U2SURP: variants seen among roughly 807,000 people sequenced by gnomAD.
U2SURP encodes the protein U2 snRNP associated SURP domain containing.
Under a neutral mutation model 144.9 loss-of-function variants are expected in U2SURP, and 9 were observed. The observed-to-expected ratio is 0.06, with a 90% CI of 0.04 to 0.11. The LOEUF is 0.11. Among genes scored for constraint, U2SURP ranks in the 10% least tolerant of loss-of-function variants. The probability of loss-of-function intolerance (pLI) is 1.00; values close to 1 mark genes in which losing one functional copy is unlikely to be tolerated. For missense variants in U2SURP, 724 were observed against 1,226.7 expected (o/e 0.59, Z 6.12); for synonymous variants, 408 against 396.8 (o/e 1.03, Z -0.33).
At chr3:143,051,602 C>CAAAAAAAAAA (rs3041537) in intron 25 of U2SURP, among the ~76,000 whole-genome samples, 2 of 90,628 alleles carry the variant, frequency 2.2e-5, no homozygotes, top group African/African-American at 3.9e-5. Flanking sequence ...ACTGTCGTTG[C>CAAAAAAAAAA]AAAAAAAAAA....
In U2SURP at chr3:143,057,748, A is replaced by G. The variant is rs934771518; in HGVS notation, c.*1298A>G. On this transcript the variant is annotated 3_prime_UTR_variant, in exon 28 of 28. Transcript: ENST00000473835. ...TTTTCCTCCCTAAAAGAGAAAGTAG[A>G]AAACTATTCTAACAATGGATTATTT... 2.1e-4 allele frequency: 32 copies of G among 152,054 alleles called. No homozygotes were observed. The highest frequency in any genetic ancestry group is 7.5e-4 in the African/African-American group (31 of 41,544). The allele number at this position is 152,054 out of a possible 1,614,324, so 9.4% of individuals were successfully genotyped here. A position where few individuals can be genotyped will look rare whatever the true frequency, so the allele number is the denominator to read the frequency against.
intron 4 of U2SURP, among the ~76,000 whole-genome samples, chr3:143,015,339 G>T (rs908037493): frequency 6.6e-6 from 1 of 151,700 alleles, no homozygotes; most frequent in Non-Finnish European, 1.5e-5. Context: ...TCACTTTGTT[G>T]ATTGTCTTTT....
chr3:143,048,448 G>T (rs1934661215), intron 24 of U2SURP, among the ~76,000 whole-genome samples: 1 of 152,280 alleles, frequency 6.6e-6, no homozygotes, highest in African/African-American at 2.4e-5. Context: ...TTCACACAGC[G>T]ATGAACTTAG....
chr3:143,029,563 T>C (rs1192270813), intron 16 of U2SURP, among the ~76,000 whole-genome samples: 2 of 152,182 alleles, frequency 1.3e-5, no homozygotes, highest in African/African-American at 4.8e-5. Flanking sequence ...TGTTTTCCCT[T>C]AGGCCTCCCT....
chr3:143,032,609 C>A (rs1411638753), intron 16 of U2SURP, among the ~76,000 whole-genome samples, 175 bp from the exon 17 acceptor site: 1 of 152,080 alleles, frequency 6.6e-6, no homozygotes, highest in Non-Finnish European at 1.5e-5. Flanking sequence ...TATATAAATT[C>A]TTCAAAAAAT....
chr3:143,048,029 T>C (rs1309792041), intron 24 of U2SURP, among the ~76,000 whole-genome samples: 1 of 152,178 alleles, frequency 6.6e-6, no homozygotes, highest in Non-Finnish European at 1.5e-5. Flanking sequence ...AGTAGAATAG[T>C]GGGTGGGGAA....
At chr3:143,043,051 G>A in intron 23 of U2SURP, 66 bp from the exon 24 acceptor site, 2 of 1,403,196 alleles carry the variant, frequency 1.4e-6, no homozygotes, top group Non-Finnish European at 9.5e-7. Context: ...AATAAAATAG[G>A]TAGACTGTAA....
chr3:143,044,306 T>TTTTTTTTTTTTTTTAA, intron 24 of U2SURP, among the ~76,000 whole-genome samples: 1 of 132,810 alleles, frequency 7.5e-6, no homozygotes. Context: ...TTTTTTTTTT[T>TTTTTTTTTTTTTTTAA]GAGACGGGGT....
chr3:143,058,817 T>C lies in U2SURP; in HGVS notation c.*2367T>C, dbSNP rs1935261626. Reference sequence around the variant, plus strand: ...CAAAATTTCTATAGGTTGACTAGAATGTTCATAAGCATGGTCTTCCAGTTG... The same window carrying C: ...CAAAATTTCTATAGGTTGACTAGAACGTTCATAAGCATGGTCTTCCAGTTG... On this transcript the variant is annotated 3_prime_UTR_variant, in exon 28 of 28. Transcript: ENST00000473835. The C allele has an allele frequency of 6.6e-6, 1 of 151,940 alleles. No homozygotes were observed. Among genetic ancestry groups the C allele is most frequent in the African/African-American group, 2.4e-5 (1 of 41,436 alleles). 9.4% of individuals were successfully genotyped at this position (151,940 alleles called of 1,614,324 possible).
Position 143,012,326 on chromosome 3 carries a change from T to C in U2SURP, c.195T>C (p.Cys65=), listed in dbSNP as rs770023597. ...YRNESARESL[C]DSPHQNLSRP... is the part of the protein sequence containing the mutation. Reference sequence around the variant, plus strand: ...ATGAAAGTGCCCGTGAAAGCCTTTGTGATTCTCCTCATCAGAATCTCTCAA... The same window carrying C: ...ATGAAAGTGCCCGTGAAAGCCTTTGCGATTCTCCTCATCAGAATCTCTCAA... Residue 65 remains cysteine (C), a synonymous_variant, in exon 3 of 28, where the codon TGT becomes TGC. Coordinates refer to ENST00000473835, the MANE Select transcript of U2SURP (RefSeq NM_001080415.2). The C allele has an allele frequency of 2.5e-5, 40 of 1,612,536 alleles. No individual in the cohort carries two copies. The highest frequency in any genetic ancestry group is 3.3e-5 in the Non-Finnish European group (39 of 1,179,148).
chr3:143,004,430 C>T (rs1170573553), intron 1 of U2SURP, among the ~76,000 whole-genome samples: 1 of 128,674 alleles, frequency 7.8e-6, no homozygotes, highest in Non-Finnish European at 1.6e-5. Context: ...GTGGTGCAAT[C>T]TCAGCTCACT....
chr3:143,013,968 T>C (rs912849906), intron 3 of U2SURP, among the ~76,000 whole-genome samples: 6 of 152,082 alleles, frequency 3.9e-5, no homozygotes, highest in Non-Finnish European at 1.5e-5. Context: ...TTTCTGTCAT[T>C]GCAACTTTTC....
chr3:143,033,091 A>G (rs1426963635), intron 17 of U2SURP, 145 bp downstream of exon 17: 5 of 1,010,392 alleles, frequency 4.9e-6, no homozygotes, highest in Admixed American at 5.7e-5. Context: ...TAGGTTCATT[A>G]ACATACAAGT....
At position 143,023,004 on chromosome 3, in the gene U2SURP, G is replaced by T. The variant is rs1334669346; in HGVS notation, c.1170G>T (p.Arg390=). 9 of 1,611,386 alleles carry T rather than the reference G, an allele frequency of 5.6e-6. No individual in the cohort carries two copies. The Middle Eastern group carries it at 8.2e-4, about 148-fold the overall frequency. The stretch of plus-strand genomic sequence containing the variant: ...CTTTTAATGCGCAGCCTAGAGAGCG[G>T]TTAAAAAACCCTAATGCTCCTATGT... ...GLPFNAQPRE[R]LKNPNAPMLP... Residue 390 remains arginine, a synonymous_variant, in exon 12 of 28, where the codon CGG becomes CGT. Transcript: ENST00000473835.
At chr3:143,023,862 A>G (rs184606642) in intron 12 of U2SURP, 113 bp from the exon 13 acceptor site, 1 of 975,446 alleles carries the variant, frequency 1.0e-6, no homozygotes, top group East Asian at 2.5e-5. Flanking sequence ...ATTGCCTGCA[A>G]AACTTGTGAT....
chr3:143,055,245 A>G (rs1273804642), intron 27 of U2SURP, 126 bp downstream of exon 27: 5 of 824,098 alleles, frequency 6.1e-6, no homozygotes, highest in Non-Finnish European at 9.3e-6. Flanking sequence ...AACCAAAGAG[A>G]TACACTTTCA....
chr3:143,047,823 C>T (rs1934606599), intron 24 of U2SURP, among the ~76,000 whole-genome samples: 1 of 109,522 alleles, frequency 9.1e-6, no homozygotes, highest in Non-Finnish European at 1.9e-5. Flanking sequence ...CCAGTAGGGG[C>T]GGCCGGGCAG....
chr3:143,041,894 T>TTG (rs1934130560), intron 23 of U2SURP, among the ~76,000 whole-genome samples: 1 of 151,996 alleles, frequency 6.6e-6, no homozygotes, highest in Non-Finnish European at 1.5e-5. Flanking sequence ...GGAATTTTGT[T>TTG]TGTATATATA....
intron 16 of U2SURP, among the ~76,000 whole-genome samples, chr3:143,031,147 T>C (rs1933458574): frequency 6.6e-6 from 1 of 152,140 alleles, no homozygotes; most frequent in Non-Finnish European, 1.5e-5. Flanking sequence ...ATGAGCAAAT[T>C]AAGTGGTTTC....
Sources: allele counts gnomAD v4.1 joint callset (sites outside exome capture counted in the v4.1 genomes callset), GRCh38; gene constraint gnomAD v4.1.1; transcripts MANE v1.5; gene names NCBI Gene and HGNC (gene_info 2026-07-23, HGNC 2026-07-21).